SORCS3: variants seen among roughly 807,000 people sequenced by gnomAD.
SORCS3 encodes sortilin related VPS10 domain containing receptor 3, also known as VPS10 domain-containing receptor SorCS3.
In SORCS3, 57 loss-of-function variants were observed where a neutral mutation model predicts 146.3. The observed-to-expected ratio is 0.39, with a 90% CI of 0.31 to 0.49. The LOEUF (loss-of-function observed/expected upper bound fraction) is 0.49, where lower values mean the gene tolerates loss of function less well. Among genes scored for constraint, SORCS3 ranks in the 20% least tolerant of loss-of-function variants. SORCS3 has a pLI of 0.92. For missense variants in SORCS3, 1,341 were observed against 1,575.5 expected, an observed-to-expected ratio of 0.85 and a Z score of 2.52; for synonymous variants, 653 against 618.5, an observed-to-expected ratio of 1.06 and a Z score of -0.83.
In SORCS3 at chr10:104,952,255, G is replaced by GAAAAAA. The variant is rs55880149; in HGVS notation, c.796-25053_796-25048dup. ...GTGATTCTGGTGCACATGAATGTTT[G>GAAAAAA]AAAAAAAAAAAAAAAAAAAAAAAAA... On this transcript the variant is annotated intron_variant, in intron 3 of 26. Transcript: ENST00000369701. Among the ~76,000 whole-genome samples, 9 of 40,618 alleles carry GAAAAAA rather than the reference G, an allele frequency of 2.2e-4. 1 individual carries two copies. The highest frequency in any genetic ancestry group is 2.7e-4 in the African/African-American group (3 of 11,136). 26.6% of individuals were successfully genotyped at this position (40,618 alleles called of 152,430 possible). A position where few individuals can be genotyped will look rare whatever the true frequency, so the allele number is the denominator to read the frequency against.
At chr10:104,724,220 C>G (rs1278594570) in intron 1 of SORCS3, among the ~76,000 whole-genome samples, 1 of 152,152 alleles carries the variant, frequency 6.6e-6, no homozygotes, top group Non-Finnish European at 1.5e-5. Context: ...GATTTTATTT[C>G]TCCTTCACTT....
At chr10:104,907,056 A>G (rs1436272738) in intron 2 of SORCS3, among the ~76,000 whole-genome samples, 1 of 151,556 alleles carries the variant, frequency 6.6e-6, no homozygotes, top group Non-Finnish European at 1.5e-5. Flanking sequence ...TATATTTAGT[A>G]TTATGTCTTA....
chr10:104,902,580 GT>G (rs1270375084), intron 2 of SORCS3, among the ~76,000 whole-genome samples: 1 of 152,158 alleles, frequency 6.6e-6, no homozygotes, highest in East Asian at 1.9e-4. Context: ...GATAAAATAT[GT>G]TTTTCTGTTC....
intron 1 of SORCS3, among the ~76,000 whole-genome samples, chr10:104,788,070 A>G (rs1164923546): frequency 6.6e-6 from 1 of 152,178 alleles, no homozygotes; most frequent in Admixed American, 6.5e-5. Context: ...ATTGGCCTAG[A>G]GAGGGAGGCT....
Position 104,641,710 on chromosome 10 carries a change from CGAG to C in SORCS3, c.390_392del (p.Arg130del), listed in dbSNP as rs1219778881. On this transcript the variant is annotated inframe_deletion, in exon 1 of 27. Transcript: ENST00000369701. The surrounding 1 kb of genome is among the most constrained non-coding windows in gnomAD (Gnocchi z 6.4). ...CCAGCTCCTGCCAAGCTTGGCGGCG[CGAG>C]GAGGAGTCGCCGGGCGCAGCCCCCA... The C allele has an allele frequency of 1.5e-5, 23 of 1,539,544 alleles. No homozygotes were observed. The highest frequency in any genetic ancestry group is 2.0e-4 in the Middle Eastern group (1 of 4,944).
chr10:104,909,819 ATTC>A (rs995283805), intron 2 of SORCS3, among the ~76,000 whole-genome samples: 3 of 149,438 alleles, frequency 2.0e-5, no homozygotes, highest in African/African-American at 7.5e-5. Context: ...AATAGCCCAT[ATTC>A]TTATTGCCAC....
At chr10:104,911,280 G>A (rs1274607763) in intron 2 of SORCS3, among the ~76,000 whole-genome samples, 2 of 152,218 alleles carry the variant, frequency 1.3e-5, no homozygotes, top group Non-Finnish European at 2.9e-5. Context: ...GCTCCCTGAG[G>A]TATCTTCATC....
At chr10:105,177,000 G>A (rs553197836) in intron 13 of SORCS3, among the ~76,000 whole-genome samples, 9 of 150,322 alleles carry the variant, frequency 6.0e-5, no homozygotes, top group Non-Finnish European at 1.3e-4. Context: ...CATACTGTGC[G>A]GAGCATTGTA....
At chr10:104,744,336 G>A (rs2016883327) in intron 1 of SORCS3, among the ~76,000 whole-genome samples, 1 of 152,144 alleles carries the variant, frequency 6.6e-6, no homozygotes, top group South Asian at 2.1e-4. Flanking sequence ...GGGCCTCCTT[G>A]ATTTATACCA....
chr10:104,700,956 TAGA>T (rs2133430541), intron 1 of SORCS3, among the ~76,000 whole-genome samples: 1 of 152,336 alleles, frequency 6.6e-6, no homozygotes, highest in African/African-American at 2.4e-5. Flanking sequence ...TTCATACTGA[TAGA>T]AGACTATTAT....
In SORCS3 at chr10:104,704,024, G is replaced by A. The variant is rs373962133; in HGVS notation, c.627+62070G>A. 3.3e-5 allele frequency among the ~76,000 whole-genome samples: 5 copies of A among 152,292 alleles called. No homozygotes were observed. In the East Asian group the frequency reaches 9.7e-4, roughly 29 times the overall value. On this transcript the variant is annotated intron_variant, in intron 1 of 26. Coordinates refer to ENST00000369701, the MANE Select transcript of SORCS3 (RefSeq NM_014978.3). Reference sequence around the variant, plus strand: ...TCACCTACTTCAGTGGCCTTTGGGTGGTTGGATAAGCATTTCAGTTTAGAA... The same window carrying A: ...TCACCTACTTCAGTGGCCTTTGGGTAGTTGGATAAGCATTTCAGTTTAGAA...
In SORCS3 at chr10:105,240,898, T is replaced by G. The variant is rs555365840; in HGVS notation, c.2869-4644T>G. Among the ~76,000 whole-genome samples the G allele has an allele frequency of 2.4e-4, 36 of 150,916 alleles. 2 individuals are homozygous for G. In the South Asian group the frequency reaches 7.4e-3, roughly 31 times the overall value. On this transcript the variant is annotated intron_variant, in intron 20 of 26. Coordinates refer to ENST00000369701, the MANE Select transcript of SORCS3 (RefSeq NM_014978.3). ...TTAGATTTGCTGGTTTGGAGATTTA[T>G]CCATACTGATTATATACACACACAT...
At chr10:104,812,759 G>A (rs1210130272) in intron 1 of SORCS3, among the ~76,000 whole-genome samples, 1 of 152,152 alleles carries the variant, frequency 6.6e-6, no homozygotes, top group Non-Finnish European at 1.5e-5. Flanking sequence ...GTGCTGTGGA[G>A]TCTAGCTTGG....
At chr10:105,249,580 T>C (rs2056887151) in intron 22 of SORCS3, among the ~76,000 whole-genome samples, 1 of 152,108 alleles carries the variant, frequency 6.6e-6, no homozygotes, top group South Asian at 2.1e-4. Context: ...AGACTATTCA[T>C]AGAAAGAGAT....
At chr10:105,236,386 C>T (rs561425424) in intron 20 of SORCS3, among the ~76,000 whole-genome samples, 9 of 152,098 alleles carry the variant, frequency 5.9e-5, no homozygotes, top group African/African-American at 2.2e-4. Flanking sequence ...GCCTCAAAGA[C>T]CAGCAGATAT....
intron 1 of SORCS3, chr10:104,665,739 G>GGT (rs1390996115): frequency 2.6e-5 from 4 of 152,202 alleles, no homozygotes; most frequent in Non-Finnish European, 5.9e-5. Context: ...TTCTTAACAA[G>GGT]GTGGTTTGAG....
At chr10:104,947,229 G>A (rs928808657) in intron 3 of SORCS3, among the ~76,000 whole-genome samples, 11 of 152,038 alleles carry the variant, frequency 7.2e-5, no homozygotes, top group African/African-American at 2.7e-4. Flanking sequence ...GGGCTCTGTT[G>A]GTAGACGTTC....
intron 5 of SORCS3, among the ~76,000 whole-genome samples, chr10:105,070,186 T>C (rs2055547817): frequency 6.6e-6 from 1 of 152,166 alleles, no homozygotes; most frequent in Non-Finnish European, 1.5e-5. Context: ...TCAAATGTAA[T>C]TAGGAAAAAA....
intron 3 of SORCS3, among the ~76,000 whole-genome samples, chr10:104,975,164 T>G (rs1227259316): frequency 6.6e-6 from 1 of 152,096 alleles, no homozygotes; most frequent in Non-Finnish European, 1.5e-5. Context: ...GAAAACCCCA[T>G]TGTCTCAGCC....
Sources: allele counts gnomAD v4.1 joint callset (sites outside exome capture counted in the v4.1 genomes callset), GRCh38; gene constraint gnomAD v4.1.1; non-coding constraint Gnocchi (gnomAD v3.1); transcripts MANE v1.5; gene names NCBI Gene and HGNC (gene_info 2026-07-23, HGNC 2026-07-21).